The following MARCHF7 variants were observed in gnomAD, a reference collection of about 807,000 sequenced individuals.
MARCHF7 encodes E3 ubiquitin-protein ligase MARCHF7.
MARCHF7 carries 20 observed loss-of-function variants against 76.5 expected under a neutral mutation model. That is an observed-to-expected ratio of 0.26 (90% CI 0.18 to 0.38). MARCHF7 has a LOEUF of 0.38. MARCHF7 is among the 10% of genes least tolerant of loss of function. The pLI is 1.00. For missense variants in MARCHF7, 797 were observed against 812.9 expected (o/e 0.98, Z 0.24); for synonymous variants, 295 against 293.0 (o/e 1.01, Z -0.07).
intron 3 of MARCHF7, among the ~76,000 whole-genome samples, chr2:159,725,145 T>G (rs1702022382): frequency 6.6e-6 from 1 of 152,344 alleles, no homozygotes; most frequent in Non-Finnish European, 1.5e-5. Flanking sequence ...GTAAACATAC[T>G]TGTGCATGTG....
chr2:159,750,594 T>A (rs1026113307), intron 7 of MARCHF7, among the ~76,000 whole-genome samples: 1 of 152,120 alleles, frequency 6.6e-6, no homozygotes, highest in African/African-American at 2.4e-5. Context: ...CAAAGAAATC[T>A]TTATAGAGTT....
intron 8 of MARCHF7, among the ~76,000 whole-genome samples, chr2:159,754,599 A>G (rs1706060262): frequency 6.6e-6 from 1 of 152,104 alleles, no homozygotes; most frequent in Non-Finnish European, 1.5e-5. Flanking sequence ...TTTTATTTTG[A>G]GGTAGGGGAT....
At chr2:159,751,386 T>A (rs1286677275) in intron 7 of MARCHF7, among the ~76,000 whole-genome samples, 1 of 152,108 alleles carries the variant, frequency 6.6e-6, no homozygotes, top group African/African-American at 2.4e-5. Context: ...CAATTAAAAA[T>A]GGTACAGAAA....
chr2:159,734,316 TTGA>T (rs1162231340), intron 4 of MARCHF7, among the ~76,000 whole-genome samples: 3 of 136,214 alleles, frequency 2.2e-5, no homozygotes, highest in African/African-American at 8.2e-5. Context: ...TTTAAAGTTA[TTGA>T]TACCTTTTTT....
chr2:159,761,850 CAGATT>C (rs1207866556), intron 9 of MARCHF7, among the ~76,000 whole-genome samples: 2 of 152,068 alleles, frequency 1.3e-5, no homozygotes, highest in African/African-American at 4.8e-5. Context: ...AATTACAGGA[CAGATT>C]AGATTATTAA....
At chr2:159,741,375 A>G (rs1704105117) in intron 4 of MARCHF7, among the ~76,000 whole-genome samples, 1 of 152,140 alleles carries the variant, frequency 6.6e-6, no homozygotes, top group African/African-American at 2.4e-5. Flanking sequence ...AAAAAATCTG[A>G]TGGTAAAATG....
chr2:159,723,866 A>G (rs951548179), intron 3 of MARCHF7, among the ~76,000 whole-genome samples: 8 of 150,874 alleles, frequency 5.3e-5, no homozygotes, highest in Non-Finnish European at 1.2e-4. Context: ...TGCCAATGAG[A>G]TGTAGTTTCC....
At chr2:159,746,747 C>CT (rs1704943616) in intron 6 of MARCHF7, among the ~76,000 whole-genome samples, 1 of 152,074 alleles carries the variant, frequency 6.6e-6, no homozygotes, top group Non-Finnish European at 1.5e-5. Flanking sequence ...TACTAAGTAA[C>CT]TGAAGAAAAA....
At chr2:159,717,989 A>G (rs1701227496) in intron 3 of MARCHF7, among the ~76,000 whole-genome samples, 1 of 152,236 alleles carries the variant, frequency 6.6e-6, no homozygotes, top group Non-Finnish European at 1.5e-5. Flanking sequence ...GAAAAAGCCA[A>G]CAAAATTTCT....
intron 4 of MARCHF7, among the ~76,000 whole-genome samples, chr2:159,741,579 T>G (rs1254147867): frequency 6.6e-6 from 1 of 152,206 alleles, no homozygotes; most frequent in East Asian, 1.9e-4. Flanking sequence ...ATCTGTTACC[T>G]GTACTGTAGA....
intron 11 of MARCHF7, 66 bp from the exon 12 acceptor site, chr2:159,767,218 A>C (rs189656835): frequency 8.7e-7 from 1 of 1,144,510 alleles, no homozygotes; most frequent in East Asian, 2.4e-5. Flanking sequence ...TTCTGGCTTC[A>C]TATTTACACT....
intron 1 of MARCHF7, among the ~76,000 whole-genome samples, chr2:159,712,987 G>T (rs1430264531): frequency 4.6e-5 from 7 of 152,172 alleles, no homozygotes; most frequent in Non-Finnish European, 7.4e-5. Context: ...GCCGTGGGGC[G>T]GGGGGTCTTC....
intron 7 of MARCHF7, 35 bp downstream of exon 7, chr2:159,748,938 A>G: frequency 6.7e-7 from 1 of 1,494,786 alleles, no homozygotes; most frequent in Non-Finnish European, 8.9e-7. Flanking sequence ...CCTATAAATC[A>G]AAAATAGAGA....
At chr2:159,724,420 G>A (rs904364094) in intron 3 of MARCHF7, among the ~76,000 whole-genome samples, 10 of 151,936 alleles carry the variant, frequency 6.6e-5, no homozygotes, top group African/African-American at 2.4e-4. Flanking sequence ...TCTGTCCTTC[G>A]TTTCTAGAAA....
intron 5 of MARCHF7, among the ~76,000 whole-genome samples, chr2:159,743,773 G>A (rs941540238): frequency 6.6e-6 from 1 of 151,656 alleles, no homozygotes; most frequent in African/African-American, 2.4e-5. Flanking sequence ...TGGGCATGGT[G>A]GTGCATGCCT....
rs527663054 is a variant in MARCHF7 at position 159,748,655 on chromosome 2, C to T, written c.1365C>T (p.Ser455=). The change falls in exon 7 of 12, where the codon AGC becomes AGT. Residue 455 remains serine (S), a synonymous_variant. Transcript: ENST00000409175. ...GACCACAAGCATCTGCAGCATCAAGCAGTGCCACAACAGGTGGCTCTACAT... is the reference window on the plus strand; with the variant it reads ...GACCACAAGCATCTGCAGCATCAAGTAGTGCCACAACAGGTGGCTCTACAT... ...ANRPQASAAS[S]SATTGGSTSD... 31 of 1,614,182 alleles carry T rather than the reference C, an allele frequency of 1.9e-5. No homozygotes were observed. The South Asian group carries it at 3.2e-4, about 17-fold the overall frequency.
chr2:159,721,633 A>G (rs2125320880), intron 3 of MARCHF7, among the ~76,000 whole-genome samples: 1 of 152,318 alleles, frequency 6.6e-6, no homozygotes, highest in South Asian at 2.1e-4. Context: ...TTTGTAGCTA[A>G]TTAGATTCCT....
intron 9 of MARCHF7, among the ~76,000 whole-genome samples, chr2:159,759,556 G>A (rs1706755326): frequency 6.6e-6 from 1 of 151,574 alleles, no homozygotes; most frequent in Non-Finnish European, 1.5e-5. Context: ...CCAAAATAGG[G>A]ATGCCAACCT....
At chr2:159,749,730 G>A (rs1574377138) in intron 7 of MARCHF7, among the ~76,000 whole-genome samples, 1 of 125,202 alleles carries the variant, frequency 8.0e-6, no homozygotes, top group Non-Finnish European at 1.8e-5. Flanking sequence ...GTAGGCAATG[G>A]TTGGGGCGGG....
Sources: gnomAD v4.1 joint callset for allele counts (sites outside exome capture counted in the v4.1 genomes callset) on GRCh38, gnomAD v4.1.1 for gene constraint, MANE v1.5 for transcripts, NCBI Gene and HGNC (gene_info 2026-07-23, HGNC 2026-07-21) for gene names.